Variants in EPB41L1 observed in about 807,000 individuals in gnomAD.
EPB41L1 encodes erythrocyte membrane protein band 4.1 like 1.
EPB41L1 carries 29 observed loss-of-function variants against 97.8 expected under a neutral mutation model. The ratio of observed to expected loss-of-function variants is 0.30; its 90% CI spans 0.22 to 0.40. The LOEUF (loss-of-function observed/expected upper bound fraction) is 0.40. Among genes scored for constraint, EPB41L1 ranks in the 10% least tolerant of loss-of-function variants. EPB41L1 has a pLI of 1.00. For synonymous variants in EPB41L1, 383 were observed against 459.2 expected (o/e 0.83, Z 2.12); for missense variants, 812 against 1,162.3 (o/e 0.70, Z 4.38).
intron 14 of EPB41L1, among the ~76,000 whole-genome samples, chr20:36,198,647 C>T (rs541093199): frequency 6.6e-5 from 10 of 152,142 alleles, no homozygotes; most frequent in East Asian, 5.8e-4. Flanking sequence ...GGTGTTTTCT[C>T]GATTGAAGAA....
intron 2 of EPB41L1, among the ~76,000 whole-genome samples, chr20:36,148,283 G>A (rs1172805822): frequency 6.6e-6 from 1 of 152,226 alleles, no homozygotes; most frequent in African/African-American, 2.4e-5. Context: ...CCCTGAACTT[G>A]AGGGTGGCAG....
At chr20:36,223,115 C>T (rs771258268) in intron 21 of EPB41L1, among the ~76,000 whole-genome samples, 2 of 152,234 alleles carry the variant, frequency 1.3e-5, no homozygotes, top group South Asian at 2.1e-4. Flanking sequence ...CCAGGATAGT[C>T]TCGATCCCCT....
At chr20:36,132,286 C>T (rs1600482432) in intron 2 of EPB41L1, among the ~76,000 whole-genome samples, 1 of 152,238 alleles carries the variant, frequency 6.6e-6, no homozygotes, top group East Asian at 1.9e-4. Flanking sequence ...CTCACCTGGC[C>T]TTTTCCAGCT....
chr20:36,166,401 TCAGCGCC>T (rs1455167822), intron 1 of EPB41L1, among the ~76,000 whole-genome samples: 2 of 152,244 alleles, frequency 1.3e-5, no homozygotes, highest in Admixed American at 6.5e-5. Context: ...AGTACTCAGA[TCAGCGCC>T]TAGCAAATAG....
At chr20:36,136,235 C>A (rs1175563025) in intron 2 of EPB41L1, among the ~76,000 whole-genome samples, 5 of 151,892 alleles carry the variant, frequency 3.3e-5, no homozygotes, top group Non-Finnish European at 7.4e-5. Context: ...CAGTGGCATG[C>A]CCTTGGCTCA....
At chr20:36,220,194 A>T (rs1451920926) in intron 19 of EPB41L1, among the ~76,000 whole-genome samples, 1 of 152,252 alleles carries the variant, frequency 6.6e-6, no homozygotes, top group Admixed American at 6.5e-5. Flanking sequence ...AGAAGTAGGG[A>T]CTGAGTAGAG....
chr20:36,232,259 C>T lies in EPB41L1; in HGVS notation c.*2919C>T. ...TTTTTTGTTTCTCATCCTCTCTGTG[C>T]CACCTCTCCACCCAGGAGGCCATGT... On this transcript the variant is annotated 3_prime_UTR_variant, in exon 22 of 22. Coordinates refer to ENST00000338074, the MANE Select transcript of EPB41L1 (RefSeq NM_012156.2). The T allele has an allele frequency of 4.4e-6, 1 of 227,726 alleles. No individual in the cohort carries two copies. Among genetic ancestry groups the T allele is most frequent in the Non-Finnish European group, 8.5e-6 (1 of 118,196 alleles). The allele number at this position is 227,726 out of a possible 1,614,324, so 14.1% of individuals were successfully genotyped here.
intron 19 of EPB41L1, among the ~76,000 whole-genome samples, chr20:36,220,094 C>A (rs1017045377): frequency 6.6e-6 from 1 of 152,210 alleles, no homozygotes; most frequent in East Asian, 1.9e-4. Context: ...TGAACCATGG[C>A]GTGTGCGCCT....
rs1374660377 is a variant in EPB41L1, at chr20:36,209,635, T to C, written c.1816T>C (p.Ser606Pro). 1 of 1,614,160 alleles carries C rather than the reference T, an allele frequency of 6.2e-7. No homozygotes were observed. Among genetic ancestry groups the C allele is most frequent in the Admixed American group, 1.7e-5 (1 of 60,016 alleles). ...CCACCTGGCCATTGAGCGCAAGTGC[T>C]CCAGCATCACGGTCAGCTCTACGTC... ...DNHLAIERKCSSITVSSTSSL... is the reference protein window; with the variant it reads ...DNHLAIERKCPSITVSSTSSL... Residue 606 changes from serine (S) to proline (P), a missense_variant, in exon 15 of 22, where the codon TCC becomes CCC. Ser to Pro is a moderately conservative substitution (Grantham distance 74). This residue lies in a region of EPB41L1 where 498 missense variants were observed against 622.7 expected (regional missense o/e 0.80). Transcript: ENST00000338074. The surrounding 1 kb of genome is among the most constrained non-coding windows in gnomAD (Gnocchi z 4.2).
In EPB41L1 at chr20:36,185,258, T is replaced by C. The variant is rs770063780; in HGVS notation, c.708T>C (p.Tyr236=). ...DYDAEEHVGN[Y]VSELRFAPNQ... ...ATGCTGAGGAGCATGTGGGCAACTATGTCAGCGAGCTCCGCTTCGCCCCTA... is the reference window on the plus strand; with the variant it reads ...ATGCTGAGGAGCATGTGGGCAACTACGTCAGCGAGCTCCGCTTCGCCCCTA... The change falls in exon 7 of 22, where the codon TAT becomes TAC. Residue 236 remains tyrosine (Y), a synonymous_variant. Coordinates refer to ENST00000338074, the MANE Select transcript of EPB41L1 (RefSeq NM_012156.2). The C allele has an allele frequency of 1.2e-6, 2 of 1,613,964 alleles. No homozygotes were observed. The highest frequency in any genetic ancestry group is 1.7e-5 in the Admixed American group (1 of 60,030).
chr20:36,117,235 G>A (rs953345449), intron 2 of EPB41L1, among the ~76,000 whole-genome samples: 3 of 152,082 alleles, frequency 2.0e-5, no homozygotes, highest in Non-Finnish European at 2.9e-5. Flanking sequence ...CTGGATTGCT[G>A]CCTGCCTGAG....
rs1275688228 is a variant in EPB41L1 at position 36,188,290 on chromosome 20, A to T, written c.874-57A>T. On this transcript the variant is annotated intron_variant, in intron 8 of 21. Coordinates refer to ENST00000338074, the MANE Select transcript of EPB41L1 (RefSeq NM_012156.2). ...GGGCAGTGTTTTCGGGGTGGGTGGT[A>T]GGCTGTCCCCAGGCATGGACCCCGG... 1.7e-5 allele frequency: 28 copies of T among 1,610,092 alleles called. 1 individual carries two copies. The African/African-American group carries it at 2.0e-4, about 12-fold the overall frequency.
chr20:36,113,325 G>A (rs1477550431), intron 2 of EPB41L1, among the ~76,000 whole-genome samples: 2 of 152,150 alleles, frequency 1.3e-5, no homozygotes, highest in African/African-American at 4.8e-5. Context: ...TGCCAGGGCT[G>A]TGATGTTGTC....
In EPB41L1 at chr20:36,190,520, G is replaced by A. The variant is rs530210041; in HGVS notation, c.1125-102G>A. 1.1e-4 allele frequency: 172 copies of A among 1,560,006 alleles called. 1 individual carries two copies. In the African/African-American group the frequency reaches 2.1e-3, roughly 19 times the overall value. On this transcript the variant is annotated intron_variant, in intron 10 of 21. Coordinates refer to ENST00000338074, the MANE Select transcript of EPB41L1 (RefSeq NM_012156.2). The surrounding 1 kb of genome is among the most constrained non-coding windows in gnomAD (Gnocchi z 5.8). ...CCTTCCTGGACCACTTTGAATTGTT[G>A]TAGTTGGTGGAGTAGTGGGATGAAA... is the stretch of plus-strand genomic sequence containing the variant.
At chr20:36,155,595 C>T (rs940345527) in intron 1 of EPB41L1, 3 of 456,392 alleles carry the variant, frequency 6.6e-6, no homozygotes, top group Non-Finnish European at 1.3e-5. Context: ...GGGGTACTTA[C>T]TGGGTGCAGA....
At chr20:36,160,140 A>G (rs2060469827) in intron 1 of EPB41L1, among the ~76,000 whole-genome samples, 1 of 152,274 alleles carries the variant, frequency 6.6e-6, no homozygotes, top group African/African-American at 2.4e-5. Context: ...AGGTATGAAC[A>G]TAGATACAGA....
intron 1 of EPB41L1, among the ~76,000 whole-genome samples, chr20:36,104,114 T>C (rs1440371781): frequency 6.6e-6 from 1 of 152,192 alleles, no homozygotes; most frequent in Admixed American, 6.5e-5. Flanking sequence ...CTCCAGGGTC[T>C]TAAGGTCAAA....
intron 21 of EPB41L1, among the ~76,000 whole-genome samples, chr20:36,223,797 G>A (rs956853508): frequency 6.6e-6 from 1 of 152,108 alleles, no homozygotes; most frequent in Non-Finnish European, 1.5e-5. Context: ...TTTCAACTGG[G>A]TGGGTTACAT....
chr20:36,135,433 C>T (rs1264862520), intron 2 of EPB41L1, among the ~76,000 whole-genome samples: 1 of 152,270 alleles, frequency 6.6e-6, no homozygotes, highest in African/African-American at 2.4e-5. Context: ...CAGGAGTCAG[C>T]GGGTTTGGAA....
Sources: gnomAD v4.1 joint callset for allele counts (sites outside exome capture counted in the v4.1 genomes callset) on GRCh38, gnomAD v4.1.1 for gene constraint, gnomAD v4.1.1 regional missense constraint, Gnocchi (gnomAD v3.1) non-coding constraint, MANE v1.5 for transcripts, NCBI Gene and HGNC (gene_info 2026-07-23, HGNC 2026-07-21) for gene names.